The following TDRD12 variants were observed in gnomAD, a reference collection of about 807,000 sequenced individuals.
TDRD12 encodes the protein putative ATP-dependent RNA helicase TDRD12.
TDRD12 carries 158 observed loss-of-function variants against 133.5 expected under a neutral mutation model. That is an observed-to-expected ratio of 1.18 (90% CI 1.04 to 1.35). TDRD12 has a LOEUF of 1.35. Ranked by LOEUF, TDRD12 falls within the 40% of genes most tolerant of loss-of-function variation. The pLI, the probability that TDRD12 is intolerant of heterozygous loss-of-function variation, is 0.00. For missense variants in TDRD12, 1,443 were observed against 1,321.3 expected, an observed-to-expected ratio of 1.09 and a Z score of -1.43; for synonymous variants, 460 against 477.9, an observed-to-expected ratio of 0.96 and a Z score of 0.49.
At chr19:32,777,861 T>A (rs1479364422) in intron 11 of TDRD12, among the ~76,000 whole-genome samples, 182 of 26,970 alleles carry the variant, frequency 6.7e-3, no homozygotes, top group Admixed American at 0.01. Flanking sequence ...ATATATATTT[T>A]TTTTTTTTTT....
chr19:32,789,989 C>T (rs950267752), intron 11 of TDRD12, among the ~76,000 whole-genome samples: 2 of 151,234 alleles, frequency 1.3e-5, no homozygotes, highest in African/African-American at 2.4e-5. Context: ...GTAACAAGAG[C>T]GAAACTCCAT....
intron 23 of TDRD12, 107 bp from the exon 24 acceptor site, chr19:32,811,103 A>G (rs1448013064): frequency 8.2e-6 from 7 of 857,586 alleles, no homozygotes; most frequent in Admixed American, 2.8e-5. Flanking sequence ...GAGTAAAATC[A>G]TGGCGTTTTG....
intron 2 of TDRD12, among the ~76,000 whole-genome samples, 177 bp from the exon 3 acceptor site, chr19:32,738,679 G>A (rs781588221): frequency 2.0e-5 from 3 of 152,112 alleles, no homozygotes; most frequent in Non-Finnish European, 2.9e-5. Context: ...CAGGCATGGC[G>A]GCAGGCACCT....
At chr19:32,776,981 T>C (rs1970601591) in intron 10 of TDRD12, among the ~76,000 whole-genome samples, 168 bp from the exon 11 acceptor site, 1 of 152,150 alleles carries the variant, frequency 6.6e-6, no homozygotes, top group African/African-American at 2.4e-5. Context: ...GTCCAACTCT[T>C]GAGCTTAGGC....
At chr19:32,743,022 G>A (rs754082619) in intron 4 of TDRD12, 122 bp downstream of exon 4, 18 of 1,241,328 alleles carry the variant, frequency 1.5e-5, no homozygotes, top group Non-Finnish European at 1.8e-5. Flanking sequence ...TTCTTCAGGA[G>A]GGGCTTCTGA....
chr19:32,790,464 AAAAG>A, intron 11 of TDRD12, 63 bp from the exon 12 acceptor site: 1 of 1,466,318 alleles, frequency 6.8e-7, no homozygotes. Context: ...AGGAAGAACT[AAAAG>A]AATAGCTCAA....
In TDRD12 at chr19:32,720,077, T is replaced by G; in HGVS notation, c.5T>G (p.Leu2Arg). 3 of 1,548,150 alleles carry G rather than the reference T, an allele frequency of 1.9e-6. No individual in the cohort carries two copies. The South Asian group carries it at 3.6e-5, about 18-fold the overall frequency. ...CTGCCCTCGGGCGCCAGGAGGATGC[T>G]CCAGCTCCTGGTGCTGAAGGTGAGC... The change falls in exon 1 of 28, where the codon CTC becomes CGC. Residue 2 changes from leucine to arginine, a missense_variant. By Grantham distance (102) the Leu-to-Arg change is moderately radical (BLOSUM62 -2). Transcript: ENST00000444215.
intron 27 of TDRD12, among the ~76,000 whole-genome samples, chr19:32,818,501 A>G (rs1487631193): frequency 6.6e-6 from 1 of 152,214 alleles, no homozygotes; most frequent in Non-Finnish European, 1.5e-5. Flanking sequence ...GCTAGGGGAC[A>G]AGACTGTGCC....
intron 1 of TDRD12, among the ~76,000 whole-genome samples, chr19:32,723,174 A>G (rs1016927748): frequency 6.6e-6 from 1 of 152,090 alleles, no homozygotes; most frequent in African/African-American, 2.4e-5. Flanking sequence ...TCAATTGACT[A>G]TATGTGTGAT....
At chr19:32,738,348 T>C (rs1969288730) in intron 2 of TDRD12, among the ~76,000 whole-genome samples, 1 of 152,230 alleles carries the variant, frequency 6.6e-6, no homozygotes, top group Non-Finnish European at 1.5e-5. Flanking sequence ...GACCTAGTAC[T>C]CAGACGGCCT....
chr19:32,789,535 G>T (rs775674714), intron 11 of TDRD12, among the ~76,000 whole-genome samples: 8 of 152,118 alleles, frequency 5.3e-5, no homozygotes, highest in Admixed American at 1.3e-4. Context: ...GTGGGCCTTG[G>T]TGACGCTGGT....
At chr19:32,751,039 A>G (rs1447931613) in intron 6 of TDRD12, among the ~76,000 whole-genome samples, 2 of 151,914 alleles carry the variant, frequency 1.3e-5, no homozygotes, top group Non-Finnish European at 2.9e-5. Flanking sequence ...TGCTGGCCAG[A>G]TCATCCCGTG....
intron 6 of TDRD12, among the ~76,000 whole-genome samples, chr19:32,754,457 C>G (rs576196113): frequency 2.6e-5 from 4 of 152,160 alleles, no homozygotes; most frequent in Non-Finnish European, 5.9e-5. Flanking sequence ...AAGACCCTGT[C>G]TCAAAAACAA....
intron 3 of TDRD12, 46 bp from the exon 4 acceptor site, chr19:32,742,735 T>G: frequency 1.3e-6 from 2 of 1,524,298 alleles, no homozygotes; most frequent in African/African-American, 2.8e-5. Flanking sequence ...GAGTATGTTA[T>G]ATATAATTTT....
At chr19:32,824,518 C>CA (rs2145770321), downstream of TDRD12, 1 of 152,426 alleles carries the variant, frequency 6.6e-6, no homozygotes, top group South Asian at 2.1e-4. Context: ...TGCAAGCAAA[C>CA]ACGATCTCGG....
intron 11 of TDRD12, among the ~76,000 whole-genome samples, chr19:32,777,476 T>C (rs1239429083): frequency 6.6e-6 from 1 of 152,050 alleles, no homozygotes; most frequent in Non-Finnish European, 1.5e-5. Flanking sequence ...TGGATTCTCT[T>C]GGTGAAGTGA....
intron 13 of TDRD12, among the ~76,000 whole-genome samples, chr19:32,791,945 TA>T (rs33969319): frequency 0.53 from 75,240 of 142,910 alleles, 19,532 homozygotes; most frequent in African/African-American, 0.63. Flanking sequence ...GCCTTCACCT[TA>T]AAAAAAAAAA....
intron 3 of TDRD12, among the ~76,000 whole-genome samples, chr19:32,740,031 C>T (rs1389846767): frequency 2.8e-5 from 3 of 106,414 alleles, no homozygotes; most frequent in Non-Finnish European, 5.8e-5. Context: ...CTCTGCATCT[C>T]CTGGGCACTC....
intron 24 of TDRD12, among the ~76,000 whole-genome samples, chr19:32,811,741 G>A (rs758976611): frequency 1.3e-5 from 2 of 152,146 alleles, no homozygotes; most frequent in Non-Finnish European, 2.9e-5. Context: ...TGGGTGCTGT[G>A]GCCTGTAATC....
Sources: allele counts gnomAD v4.1 joint callset (sites outside exome capture counted in the v4.1 genomes callset), GRCh38; gene constraint gnomAD v4.1.1; transcripts MANE v1.5; gene names NCBI Gene and HGNC (gene_info 2026-07-23, HGNC 2026-07-21).